The following ALG9 variants were observed in gnomAD, a reference collection of about 807,000 sequenced individuals.
ALG9 encodes ALG9 alpha-1,2-mannosyltransferase.
A neutral mutation model predicts 81.8 loss-of-function variants in ALG9; 55 were observed. The ratio of observed to expected loss-of-function variants is 0.67; its 90% CI spans 0.54 to 0.84. The LOEUF (loss-of-function observed/expected upper bound fraction) is 0.84. Among genes scored for constraint, ALG9 ranks in the 40% least tolerant of loss-of-function variants. The pLI, the probability that ALG9 is intolerant of heterozygous loss-of-function variation, is 0.00. For synonymous variants in ALG9, 278 were observed against 274.3 expected (o/e 1.01, Z -0.13); for missense variants, 629 against 745.0 (o/e 0.84, Z 1.81).
At chr11:111,852,852 G>A (rs1435153499) in intron 8 of ALG9, among the ~76,000 whole-genome samples, 1 of 149,590 alleles carries the variant, frequency 6.7e-6, no homozygotes, top group African/African-American at 2.5e-5. Flanking sequence ...TGAGGCAGGA[G>A]AATCACTTGA....
chr11:111,828,288 T>C (rs1953730652), intron 13 of ALG9, among the ~76,000 whole-genome samples: 1 of 152,214 alleles, frequency 6.6e-6, no homozygotes, highest in Admixed American at 6.5e-5. Context: ...ACACCGCCAA[T>C]GGATAGTCTT....
At chr11:111,860,708 C>T (rs189665861) in intron 4 of ALG9, 73 bp from the exon 5 acceptor site, 15 of 1,139,640 alleles carry the variant, frequency 1.3e-5, no homozygotes, top group East Asian at 7.6e-5. Flanking sequence ...GAGAAAAACA[C>T]GTACCACAGA....
intron 14 of ALG9, among the ~76,000 whole-genome samples, chr11:111,790,994 CACAA>C (rs1487694550): frequency 6.6e-6 from 1 of 152,140 alleles, no homozygotes; most frequent in Non-Finnish European, 1.5e-5. Flanking sequence ...TTGCTTGTTT[CACAA>C]ACAATCTACT....
the ALG9 span, among the ~76,000 whole-genome samples, chr11:111,774,069 T>TAAAAAAAAAAAAAAAAA: frequency 3.9e-4 from 27 of 69,730 alleles, no homozygotes; most frequent in Non-Finnish European, 6.1e-4. Flanking sequence ...CATATCTTAT[T>TAAAAAAAAAAAAAAAAA]AAAAAAAAAA....
At chr11:111,842,644 G>C (rs889503220) in intron 9 of ALG9, among the ~76,000 whole-genome samples, 1 of 151,800 alleles carries the variant, frequency 6.6e-6, no homozygotes, top group East Asian at 1.9e-4. Context: ...GGCTGGTCTT[G>C]AACTCCTGGG....
At chr11:111,849,049 C>T (rs1194549006) in intron 8 of ALG9, among the ~76,000 whole-genome samples, 2 of 151,790 alleles carry the variant, frequency 1.3e-5, no homozygotes, top group Non-Finnish European at 2.9e-5. Context: ...TTCTTTCTTT[C>T]TTTCTTTCTT....
In ALG9 at chr11:111,857,692, A is replaced by G; in HGVS notation, c.611T>C (p.Met204Thr). The G allele has an allele frequency of 6.2e-7, 1 of 1,614,224 alleles. No homozygotes were observed. Among genetic ancestry groups the G allele is most frequent in the Non-Finnish European group, 8.5e-7 (1 of 1,180,022 alleles). ...AGTCTTGTCCATATACCATCCAGTC[A>G]TGGCTATCAACGTAGTGTACATACA... ...SFCMYTTLIA[M>T]TGWYMDKTSI... The change falls in exon 6 of 15, where the codon ATG (methionine) becomes ACG (threonine). Residue 204 changes from methionine to threonine, a missense_variant. This residue lies in a region of ALG9 where 344 missense variants were observed against 390.5 expected (regional missense o/e 0.88). Coordinates refer to ENST00000616540, the MANE Select transcript of ALG9 (RefSeq NM_024740.2).
chr11:111,800,085 C>T lies in ALG9; in HGVS notation c.1733+9558G>A, dbSNP rs916967215. On this transcript the variant is annotated intron_variant, in intron 14 of 14. Coordinates refer to ENST00000616540, the MANE Select transcript of ALG9 (RefSeq NM_024740.2). The stretch of plus-strand genomic sequence containing the variant: ...ATTTGGTGCCTCTATGGTCTTAACA[C>T]TATTTTCAAGTTGTTTTCATATGTG... Among the ~76,000 whole-genome samples, 4 of 152,310 alleles carry T rather than the reference C, an allele frequency of 2.6e-5. No homozygotes were observed. In the South Asian group the frequency reaches 6.2e-4, roughly 24 times the overall value.
chr11:111,832,982 T>C (rs1954639061), intron 13 of ALG9, among the ~76,000 whole-genome samples: 1 of 152,168 alleles, frequency 6.6e-6, no homozygotes, highest in Non-Finnish European at 1.5e-5. Flanking sequence ...CAGTGAGCTA[T>C]GATGGCACCA....
chr11:111,840,538 A>T lies in ALG9; in HGVS notation c.1173+117T>A. ...TAATAATATGATCTATATCAGGTTT[A>T]ATGTTATGGATAAAATATCTTAGGT... On this transcript the variant is annotated intron_variant, in intron 10 of 14. Coordinates refer to ENST00000616540, the MANE Select transcript of ALG9 (RefSeq NM_024740.2). 6.6e-6 allele frequency: 8 copies of T among 1,215,602 alleles called. No individual in the cohort carries two copies. In the South Asian group the frequency reaches 7.5e-5, roughly 11 times the overall value. The allele number at this position is 1,215,602 out of a possible 1,614,324, so 75.3% of individuals were successfully genotyped here. A position where few individuals can be genotyped will look rare whatever the true frequency, so the allele number is the denominator to read the frequency against.
intron 10 of ALG9, 152 bp from the exon 11 acceptor site, chr11:111,838,551 C>T: frequency 1.5e-6 from 1 of 656,744 alleles, no homozygotes; most frequent in South Asian, 2.0e-5. Flanking sequence ...AAAGCCAACT[C>T]CTCTAAGACT....
Position 111,786,344 on chromosome 11 carries a change from A to G in ALG9, c.*53T>C. 1.9e-6 allele frequency: 3 copies of G among 1,611,806 alleles called. No homozygotes were observed. The highest frequency in any genetic ancestry group is 2.5e-6 in the Non-Finnish European group (3 of 1,178,600). ...GCGATGACTTGCAGGGAGTCAGGTCACTGGAATCAATAGTTAACAAGATGG... is the reference window on the plus strand; with the variant it reads ...GCGATGACTTGCAGGGAGTCAGGTCGCTGGAATCAATAGTTAACAAGATGG... On this transcript the variant is annotated 3_prime_UTR_variant, in exon 15 of 15. Coordinates refer to ENST00000616540, the MANE Select transcript of ALG9 (RefSeq NM_024740.2).
Position 111,844,664 on chromosome 11 carries a change from C to G in ALG9, c.955G>C (p.Ala319Pro). 6.2e-7 allele frequency: 1 copy of G among 1,613,998 alleles called. No individual in the cohort carries two copies. Among genetic ancestry groups the G allele is most frequent in the South Asian group, 1.1e-5 (1 of 91,078 alleles). ...AGTGGTAGGACTAGGAGAGCCAAAG[C>G]AAAGGCTACATTGAAATTCAGAAAT... ...NGFLNFNVAF[A>P]LALLVLPLTS... is the part of the protein sequence containing the mutation. Residue 319 changes from alanine to proline, a missense_variant, in exon 9 of 15, where the codon GCT becomes CCT. Ala to Pro is a conservative substitution (Grantham distance 27). This residue lies in a region of ALG9 where 344 missense variants were observed against 390.5 expected (regional missense o/e 0.88). Coordinates refer to ENST00000616540, the MANE Select transcript of ALG9 (RefSeq NM_024740.2).
chr11:111,805,393 G>A (rs1034824108), intron 14 of ALG9: 3 of 447,502 alleles, frequency 6.7e-6, no homozygotes, highest in African/African-American at 2.0e-5. Context: ...TAAGACCAAT[G>A]TCAAAACTTG....
chr11:111,840,861 A>T lies in ALG9; in HGVS notation c.1019-52T>A. 1.9e-6 allele frequency: 3 copies of T among 1,602,904 alleles called. No homozygotes were observed. The South Asian group carries it at 3.3e-5, about 18-fold the overall frequency. On this transcript the variant is annotated intron_variant, in intron 9 of 14. Transcript: ENST00000616540. ...TTTCATTATATTAGAACAAAACAAC[A>T]TATTTAGTTTTAGTGTTATCTTGAT...
chr11:111,824,306 G>GAA (rs75084969), intron 13 of ALG9, among the ~76,000 whole-genome samples: 5 of 152,104 alleles, frequency 3.3e-5, no homozygotes, highest in East Asian at 1.9e-4. Context: ...GGAAACAAAA[G>GAA]AAAAATCACA....
chr11:111,809,066 CTGAAGTTGGT>C (rs1194357880), intron 14 of ALG9, among the ~76,000 whole-genome samples: 1 of 152,180 alleles, frequency 6.6e-6, no homozygotes, highest in African/African-American at 2.4e-5. Context: ...GTTAAGATAG[CTGAAGTTGGT>C]TGCCAAAAAT....
At chr11:111,849,618 G>A (rs1957449750) in intron 8 of ALG9, 1 of 152,076 alleles carries the variant, frequency 6.6e-6, no homozygotes, top group Non-Finnish European at 1.5e-5. Flanking sequence ...TTATCCTGAT[G>A]CTCTCTCCCT....
rs1946439075 is a variant in ALG9, at chr11:111,786,147, A to C, written c.*250T>G. 2 of 563,742 alleles carry C rather than the reference A, an allele frequency of 3.5e-6. No individual in the cohort carries two copies. The highest frequency in any genetic ancestry group is 3.7e-5 in the African/African-American group (2 of 53,686). 34.9% of individuals were successfully genotyped at this position (563,742 alleles called of 1,614,324 possible). On this transcript the variant is annotated 3_prime_UTR_variant, in exon 15 of 15. Coordinates refer to ENST00000616540, the MANE Select transcript of ALG9 (RefSeq NM_024740.2). ...CAATGAGATGTGGAGCAATATATCT[A>C]TCTGTGCTTTAGGGCCTTTCTCTGC...
Sources: allele counts gnomAD v4.1 joint callset (sites outside exome capture counted in the v4.1 genomes callset), GRCh38; gene constraint gnomAD v4.1.1; regional missense constraint gnomAD v4.1.1; transcripts MANE v1.5; gene names NCBI Gene and HGNC (gene_info 2026-07-23, HGNC 2026-07-21).